Variants in HLTF observed in about 807,000 individuals in gnomAD.
HLTF encodes helicase like transcription factor, also known as DNA-dependent ATPase/E3 ubiquitin-protein ligase HLTF.
In HLTF, 127 loss-of-function variants were observed where a neutral mutation model predicts 129.4. The ratio of observed to expected loss-of-function variants is 0.98; its 90% CI spans 0.85 to 1.14. HLTF has a LOEUF of 1.14. Among genes scored for constraint, HLTF ranks in the 50% most tolerant of loss-of-function variants. HLTF has a pLI of 0.00. For synonymous variants in HLTF, 332 were observed against 388.8 expected, an observed-to-expected ratio of 0.85 and a Z score of 1.72; for missense variants, 1,139 against 1,187.1, an observed-to-expected ratio of 0.96 and a Z score of 0.60.
intron 2 of HLTF, among the ~76,000 whole-genome samples, chr3:149,082,894 GAAGAT>G (rs140329893): frequency 0.018 from 2,704 of 152,228 alleles, 84 homozygotes; most frequent in African/African-American, 0.062. Context: ...AACAAGTGTA[GAAGAT>G]AAGTTATGGT....
At chr3:149,059,660 T>C (rs1214292273) in intron 13 of HLTF, 58 bp downstream of exon 13, 33 of 1,035,412 alleles carry the variant, frequency 3.2e-5, no homozygotes, top group Middle Eastern at 2.3e-4. Flanking sequence ...AATTTTAAAT[T>C]TTTTCATTCA....
chr3:149,051,437 A>C (rs569950316), intron 14 of HLTF, among the ~76,000 whole-genome samples: 69 of 152,338 alleles, frequency 4.5e-4, no homozygotes, highest in African/African-American at 1.6e-3. Context: ...CAGCTGTAAG[A>C]ATGAATGAAA....
Position 149,063,526 on chromosome 3 carries a change from T to C in HLTF, c.1067-2A>G, listed in dbSNP as rs1718126973. On this transcript the variant is annotated splice_acceptor_variant, in intron 9 of 24. Transcript: ENST00000310053. LOFTEE classifies it high-confidence loss of function. ...GTTGTTCACTACATCTAGATGCGTC[T>C]ATTTCAAAGAAAAATGCAAATATAA... is the stretch of plus-strand genomic sequence containing the variant. 1 of 1,560,802 alleles carries C rather than the reference T, an allele frequency of 6.4e-7. No homozygotes were observed. The highest frequency in any genetic ancestry group is 8.8e-7 in the Non-Finnish European group (1 of 1,131,880).
intron 2 of HLTF, among the ~76,000 whole-genome samples, chr3:149,081,402 T>G (rs1305379212): frequency 6.6e-6 from 1 of 151,958 alleles, no homozygotes; most frequent in Non-Finnish European, 1.5e-5. Flanking sequence ...ATTAAAAGAT[T>G]AAATGACTCA....
At chr3:149,045,816 G>A (rs2107977912) in intron 18 of HLTF, among the ~76,000 whole-genome samples, 1 of 152,184 alleles carries the variant, frequency 6.6e-6, no homozygotes, top group East Asian at 1.9e-4. Flanking sequence ...ATAGAAGCAA[G>A]CAAAATCTTC....
chr3:149,076,913 C>T (rs979409120), intron 2 of HLTF, among the ~76,000 whole-genome samples: 1 of 152,060 alleles, frequency 6.6e-6, no homozygotes, highest in Non-Finnish European at 1.5e-5. Context: ...GAATAAACAG[C>T]TGAATATCAG....
At chr3:149,040,324 C>A in intron 20 of HLTF, 168 bp from the exon 21 acceptor site, 1 of 568,338 alleles carries the variant, frequency 1.8e-6, no homozygotes, top group Non-Finnish European at 3.0e-6. Context: ...ATGCTGAACT[C>A]CAGACATAAT....
chr3:149,086,435 G>A lies in HLTF; in HGVS notation c.-99C>T, dbSNP rs1022321427. 2 of 1,414,748 alleles carry A rather than the reference G, an allele frequency of 1.4e-6. No homozygotes were observed. Among genetic ancestry groups the A allele is most frequent in the African/African-American group, 1.4e-5 (1 of 70,092 alleles). 87.6% of individuals were successfully genotyped at this position (1,414,748 alleles called of 1,614,324 possible). A position where few individuals can be genotyped will look rare whatever the true frequency, so the allele number is the denominator to read the frequency against. On this transcript the variant is annotated 5_prime_UTR_variant, in exon 1 of 25. Transcript: ENST00000310053. ...TTCCAGGCCCCGCAGCCCTGAAGCC[G>A]GGGACAAATTCCGAGCGCCGGATCA...
Position 149,041,597 on chromosome 3 carries a change from C to A in HLTF, c.2269G>T (p.Asp757Tyr). 6.2e-7 allele frequency: 1 copy of A among 1,612,454 alleles called. No individual in the cohort carries two copies. The highest frequency in any genetic ancestry group is 1.1e-5 in the South Asian group (1 of 91,028). The change falls in exon 20 of 25, where the codon GAT (aspartate) becomes TAT (tyrosine). Residue 757 changes from aspartate (D) to tyrosine (Y), a missense_variant. By Grantham distance (160) the Asp-to-Tyr change is radical (BLOSUM62 -3). Coordinates refer to ENST00000310053, the MANE Select transcript of HLTF (RefSeq NM_003071.4). ...KMKLILSSGS[D>Y]EECAICLDSL... ...TCCAGGCAAATTGCACATTCCTCAT[C>A]TGAACCTGAGCTCAGAATTAACTTC...
Position 149,030,922 on chromosome 3 carries a change from T to C in HLTF, c.*1298A>G, listed in dbSNP as rs2107932076. The C allele has an allele frequency of 1.3e-5, 2 of 152,356 alleles. No individual in the cohort carries two copies. Among genetic ancestry groups the C allele is most frequent in the African/African-American group, 4.8e-5 (2 of 41,584 alleles). 9.4% of individuals were successfully genotyped at this position (152,356 alleles called of 1,614,324 possible). On this transcript the variant is annotated 3_prime_UTR_variant, in exon 25 of 25. Coordinates refer to ENST00000310053, the MANE Select transcript of HLTF (RefSeq NM_003071.4). The stretch of plus-strand genomic sequence containing the variant: ...ACACAACATTGTCTCCGATCTCATC[T>C]TTCTATCAAATGACTTCCAACACTC...
chr3:149,083,589 T>C (rs1265159778), intron 2 of HLTF: 1 of 151,884 alleles, frequency 6.6e-6, no homozygotes, highest in African/African-American at 2.4e-5. Context: ...AGAGAATATA[T>C]AGATGTGAAA....
At chr3:149,072,414 C>T (rs944497220) in intron 5 of HLTF, among the ~76,000 whole-genome samples, 2 of 152,196 alleles carry the variant, frequency 1.3e-5, no homozygotes, top group Non-Finnish European at 2.9e-5. Context: ...CCTACCAGGT[C>T]AATGACATTC....
At chr3:149,063,599 T>G in intron 9 of HLTF, 75 bp from the exon 10 acceptor site, 1 of 826,436 alleles carries the variant, frequency 1.2e-6, no homozygotes, top group Non-Finnish European at 2.0e-6. Flanking sequence ...TCTTAAAACC[T>G]TGGTTTTCTA....
intron 2 of HLTF, among the ~76,000 whole-genome samples, chr3:149,076,741 GTAAC>G (rs1719389818): frequency 6.6e-6 from 1 of 151,976 alleles, no homozygotes; most frequent in Non-Finnish European, 1.5e-5. Context: ...CTGAAGGAGG[GTAAC>G]ACAATAAAGA....
intron 9 of HLTF, among the ~76,000 whole-genome samples, chr3:149,064,143 T>C (rs1163262908): frequency 2.0e-5 from 3 of 152,106 alleles, no homozygotes; most frequent in Admixed American, 2.0e-4. Flanking sequence ...TGCTAACTCA[T>C]CTACCTAACT....
At chr3:149,072,516 T>C (rs73013120) in intron 5 of HLTF, among the ~76,000 whole-genome samples, 5,947 of 152,286 alleles carry the variant, frequency 0.039, 387 homozygotes, top group African/African-American at 0.14. Flanking sequence ...ACTAGGTTAG[T>C]CCAATTTTAT....
At chr3:149,042,396 A>T (rs1198500108) in intron 18 of HLTF, 106 bp from the exon 19 acceptor site, 2 of 927,720 alleles carry the variant, frequency 2.2e-6, no homozygotes, top group Non-Finnish European at 3.2e-6. Context: ...TCTAGAAATT[A>T]CTCCAAAACA....
intron 5 of HLTF, among the ~76,000 whole-genome samples, chr3:149,072,169 G>A (rs1407898884): frequency 1.3e-5 from 2 of 152,190 alleles, no homozygotes; most frequent in Non-Finnish European, 2.9e-5. Context: ...GAATGAACAG[G>A]TGCTTTAGTT....
At chr3:149,045,208 T>C (rs1716444416) in intron 18 of HLTF, among the ~76,000 whole-genome samples, 1 of 152,244 alleles carries the variant, frequency 6.6e-6, no homozygotes, top group Non-Finnish European at 1.5e-5. Flanking sequence ...GCATCTACAC[T>C]TGCTCTTCCT....
Sources: gnomAD v4.1 joint callset for allele counts (sites outside exome capture counted in the v4.1 genomes callset) on GRCh38, gnomAD v4.1.1 for gene constraint, MANE v1.5 for transcripts, NCBI Gene and HGNC (gene_info 2026-07-23, HGNC 2026-07-21) for gene names.